The following PPARD variants were observed in gnomAD, a reference collection of about 807,000 sequenced individuals.
The protein encoded by PPARD is peroxisome proliferator-activated receptor delta.
PPARD carries 6 observed loss-of-function variants against 39.5 expected under a neutral mutation model. The ratio of observed to expected loss-of-function variants is 0.15; its 90% CI spans 0.08 to 0.30. PPARD has a LOEUF of 0.30. Ranked by LOEUF, PPARD falls within the 10% of genes least tolerant of loss-of-function variation. PPARD has a pLI of 1.00. For synonymous variants in PPARD, 210 were observed against 231.3 expected (o/e 0.91, Z 0.83); for missense variants, 397 against 596.8 (o/e 0.67, Z 3.49).
Position 35,425,798 on chromosome 6 carries a change from T to C in PPARD, c.1079-34T>C. ...GGAAGTAGGGGAGCTCCACTGCCTT[T>C]CTGAGCTCCCTGGCGTGCCCTGTGT... is the stretch of plus-strand genomic sequence containing the variant. On this transcript the variant is annotated intron_variant, in intron 7 of 7. Transcript: ENST00000360694. The surrounding 1 kb of genome is among the most constrained non-coding windows in gnomAD (Gnocchi z 4.5). The C allele has an allele frequency of 6.2e-7, 1 of 1,608,510 alleles. No individual in the cohort carries two copies. The highest frequency in any genetic ancestry group is 1.1e-5 in the South Asian group (1 of 90,792).
At chr6:35,391,100 A>G (rs368110665) in intron 2 of PPARD, among the ~76,000 whole-genome samples, 18 of 152,232 alleles carry the variant, frequency 1.2e-4, no homozygotes, top group Non-Finnish European at 1.8e-4. Context: ...GTGATATATG[A>G]TTGTATATAT....
At chr6:35,394,785 C>CAA (rs566997790) in intron 2 of PPARD, among the ~76,000 whole-genome samples, 1,702 of 123,328 alleles carry the variant, frequency 0.014, 56 homozygotes, top group African/African-American at 0.047. Flanking sequence ...CCCCCCCCAC[C>CAA]AAAAAAAAAA....
chr6:35,344,420 T>C (rs1359339984), intron 1 of PPARD, among the ~76,000 whole-genome samples: 1 of 152,014 alleles, frequency 6.6e-6, no homozygotes, highest in Non-Finnish European at 1.5e-5. Flanking sequence ...GATCATCTTC[T>C]CTGGGGCTTG....
intron 2 of PPARD, among the ~76,000 whole-genome samples, chr6:35,379,315 G>A (rs1763001508): frequency 6.6e-6 from 1 of 151,970 alleles, no homozygotes; most frequent in South Asian, 2.1e-4. Context: ...TGTTGCCCAG[G>A]CTAGTCTCGA....
intron 1 of PPARD, among the ~76,000 whole-genome samples, chr6:35,344,569 T>G (rs765802345): frequency 1.4e-4 from 21 of 152,112 alleles, no homozygotes; most frequent in Non-Finnish European, 2.2e-4. Flanking sequence ...ATCCTTTGTT[T>G]CTACCCAGTC....
chr6:35,405,714 CT>C lies in PPARD; in HGVS notation c.-101-5272del, dbSNP rs552141596. Reference sequence around the variant, plus strand: ...GTGCGATCTCGGCCCACTGCAACCTCTGTCTCCCAGGTTCAGGCGATTCTCG... The same window carrying C: ...GTGCGATCTCGGCCCACTGCAACCTCGTCTCCCAGGTTCAGGCGATTCTCG... On this transcript the variant is annotated intron_variant, in intron 2 of 7. Coordinates refer to ENST00000360694, the MANE Select transcript of PPARD (RefSeq NM_006238.5). Among the ~76,000 whole-genome samples, 47 of 152,248 alleles carry C rather than the reference CT, an allele frequency of 3.1e-4. 1 individual carries two copies. In the East Asian group the frequency reaches 7.2e-3, roughly 23 times the overall value.
chr6:35,390,786 G>T (rs1199692030), intron 2 of PPARD, among the ~76,000 whole-genome samples: 2 of 152,164 alleles, frequency 1.3e-5, no homozygotes, highest in Non-Finnish European at 2.9e-5. Flanking sequence ...ACTTTGAGAG[G>T]CCAAGGCAGG....
intron 2 of PPARD, among the ~76,000 whole-genome samples, chr6:35,390,554 G>A (rs1404721615): frequency 6.6e-6 from 1 of 152,058 alleles, no homozygotes; most frequent in African/African-American, 2.4e-5. Flanking sequence ...TCCCTGGAAT[G>A]CCCAAAATCA....
intron 2 of PPARD, among the ~76,000 whole-genome samples, chr6:35,400,623 A>T (rs1046105483): frequency 2.0e-5 from 3 of 151,994 alleles, no homozygotes; most frequent in Admixed American, 6.6e-5. Context: ...AACATGGCAA[A>T]ACCCCGTCTC....
intron 2 of PPARD, among the ~76,000 whole-genome samples, chr6:35,355,787 AT>A (rs1373398159): frequency 2.0e-5 from 3 of 150,516 alleles, no homozygotes; most frequent in African/African-American, 4.9e-5. Context: ...AATTTTTTGT[AT>A]TTTTGGTAGA....
At position 35,367,975 on chromosome 6, in the gene PPARD, C is replaced by T. The variant is rs548594351; in HGVS notation, c.-102+20825C>T. Among the ~76,000 whole-genome samples, 9 of 152,286 alleles carry T rather than the reference C, an allele frequency of 5.9e-5. No individual in the cohort carries two copies. In the South Asian group the frequency reaches 6.2e-4, roughly 11 times the overall value. ...TAGCCATATTTAATCCACAGACAGC[C>T]GGTAGTGGATACCTGGATTTGAACC... On this transcript the variant is annotated intron_variant, in intron 2 of 7. Transcript: ENST00000360694.
intron 2 of PPARD, among the ~76,000 whole-genome samples, chr6:35,368,422 TC>T (rs1251937458): frequency 6.6e-6 from 1 of 152,068 alleles, no homozygotes; most frequent in Non-Finnish European, 1.5e-5. Flanking sequence ...GCCCAGTGAG[TC>T]CCATACTTGA....
At chr6:35,392,768 T>C (rs1197020798) in intron 2 of PPARD, among the ~76,000 whole-genome samples, 1 of 152,142 alleles carries the variant, frequency 6.6e-6, no homozygotes, top group Non-Finnish European at 1.5e-5. Flanking sequence ...CTTAGTGACC[T>C]TCTGCTCTGG....
At position 35,420,221 on chromosome 6, in the gene PPARD, G is replaced by C. The variant is rs1201964294; in HGVS notation, c.225G>C (p.Arg75=). ...ASCGSLNMEC[R]VCGDKASGFH... is the part of the protein sequence containing the mutation. ...GCGGCAGCCTCAACATGGAGTGCCG[G>C]GTGTGCGGGGACAAGGCATCGGGCT... The change falls in exon 4 of 8, where the codon CGG becomes CGC. Residue 75 remains arginine, a synonymous_variant. Transcript: ENST00000360694. 1.2e-6 allele frequency: 2 copies of C among 1,610,154 alleles called. No individual in the cohort carries two copies. Among genetic ancestry groups the C allele is most frequent in the Non-Finnish European group, 1.7e-6 (2 of 1,177,946 alleles).
At chr6:35,361,565 G>A (rs1761928229) in intron 2 of PPARD, among the ~76,000 whole-genome samples, 1 of 152,134 alleles carries the variant, frequency 6.6e-6, no homozygotes, top group Non-Finnish European at 1.5e-5. Flanking sequence ...TCTGAACATT[G>A]GCCTGCGTAG....
rs1397139878 is a variant in PPARD, at chr6:35,412,255, C to A, written c.130+1038C>A. ...CTGATCCCTCTGCTTCTTGCTTTCT[C>A]CCACCACTTCTCTCCTTACCCAAGT... On this transcript the variant is annotated intron_variant, in intron 3 of 7. Coordinates refer to ENST00000360694, the MANE Select transcript of PPARD (RefSeq NM_006238.5). The surrounding 1 kb of genome is among the most constrained non-coding windows in gnomAD (Gnocchi z 4.1). Among the ~76,000 whole-genome samples, 1 of 152,110 alleles carries A rather than the reference C, an allele frequency of 6.6e-6. No individual in the cohort carries two copies. The highest frequency in any genetic ancestry group is 1.5e-5 in the Non-Finnish European group (1 of 68,012).
At chr6:35,397,482 A>C (rs1299708373) in intron 2 of PPARD, 1 of 958,728 alleles carries the variant, frequency 1.0e-6, no homozygotes, top group Non-Finnish European at 1.2e-6. Context: ...CATCTTGATA[A>C]GCTCCTCCTT....
intron 2 of PPARD, among the ~76,000 whole-genome samples, chr6:35,384,215 G>T (rs1763400671): frequency 7.1e-6 from 1 of 141,008 alleles, no homozygotes; most frequent in African/African-American, 2.7e-5. Context: ...GAGGGAGGTG[G>T]GGGGGTCAGC....
intron 1 of PPARD, among the ~76,000 whole-genome samples, chr6:35,345,166 C>G (rs1425925924): frequency 2.0e-5 from 3 of 152,158 alleles, no homozygotes; most frequent in Non-Finnish European, 4.4e-5. Flanking sequence ...ACCAGCAGCC[C>G]TAGATGGATA....
Sources: allele counts gnomAD v4.1 joint callset (sites outside exome capture counted in the v4.1 genomes callset), GRCh38; gene constraint gnomAD v4.1.1; non-coding constraint Gnocchi (gnomAD v3.1); transcripts MANE v1.5; gene names NCBI Gene and HGNC (gene_info 2026-07-23, HGNC 2026-07-21).